The following SLC24A2 variants were observed in gnomAD, a reference collection of about 807,000 sequenced individuals.
SLC24A2 encodes sodium/potassium/calcium exchanger 2.
SLC24A2 carries 36 observed loss-of-function variants against 62.0 expected under a neutral mutation model. That is an observed-to-expected ratio of 0.58 (90% confidence interval 0.44 to 0.77). The LOEUF (loss-of-function observed/expected upper bound fraction) is 0.77, where lower values mean the gene tolerates loss of function less well. Among genes scored for constraint, SLC24A2 ranks in the 30% least tolerant of loss-of-function variants. The pLI, the probability that SLC24A2 is intolerant of heterozygous loss-of-function variation, is 0.00. For synonymous variants in SLC24A2, 358 were observed against 294.0 expected, an observed-to-expected ratio of 1.22 and a Z score of -2.23; for missense variants, 846 against 817.9, an observed-to-expected ratio of 1.03 and a Z score of -0.42.
At chr9:20,130,630 C>T in the SLC24A2 span, among the ~76,000 whole-genome samples, 1 of 152,044 alleles carries the variant, frequency 6.6e-6, no homozygotes, top group Non-Finnish European at 1.5e-5. Context: ...GAATCAGAGC[C>T]TGTAAGGCCT....
chr9:19,935,032 AT>A, the SLC24A2 span, among the ~76,000 whole-genome samples: 3 of 149,680 alleles, frequency 2.0e-5, no homozygotes, highest in African/African-American at 7.5e-5. Context: ...ACTTATTTTT[AT>A]TTTATTTATT....
chr9:19,548,067 G>T (rs1224359873), intron 8 of SLC24A2, among the ~76,000 whole-genome samples: 2 of 151,564 alleles, frequency 1.3e-5, no homozygotes, highest in African/African-American at 4.9e-5. Flanking sequence ...TATACTGCTG[G>T]GAGTCCATAC....
At chr9:20,287,504 G>A in the SLC24A2 span, among the ~76,000 whole-genome samples, 1 of 152,244 alleles carries the variant, frequency 6.6e-6, no homozygotes, top group African/African-American at 2.4e-5. Context: ...AGAACAAAAG[G>A]GTTGGTAGCC....
At chr9:20,019,540 T>C in the SLC24A2 span, among the ~76,000 whole-genome samples, 1 of 152,174 alleles carries the variant, frequency 6.6e-6, no homozygotes, top group Non-Finnish European at 1.5e-5. Flanking sequence ...TTGGACTATA[T>C]ATCTGTTTTG....
At chr9:19,897,796 G>C in the SLC24A2 span, among the ~76,000 whole-genome samples, 1 of 152,126 alleles carries the variant, frequency 6.6e-6, no homozygotes, top group East Asian at 1.9e-4. Flanking sequence ...AGCTACAAGG[G>C]ACAAAAGGGC....
At chr9:20,217,303 C>T in the SLC24A2 span, among the ~76,000 whole-genome samples, 1 of 152,236 alleles carries the variant, frequency 6.6e-6, no homozygotes, top group South Asian at 2.1e-4. Flanking sequence ...TAGCAGTTAC[C>T]TTTGCAGGGG....
chr9:20,068,252 C>T, the SLC24A2 span, among the ~76,000 whole-genome samples: 9 of 151,840 alleles, frequency 5.9e-5, no homozygotes, highest in African/African-American at 1.9e-4. Flanking sequence ...TTAGTAGAGA[C>T]GGGGTTTCAC....
the SLC24A2 span, among the ~76,000 whole-genome samples, chr9:20,266,287 G>A: frequency 0.012 from 1,887 of 152,052 alleles, 37 homozygotes; most frequent in African/African-American, 0.043. Flanking sequence ...TGTCTCCCCC[G>A]GACACCCAGC....
the SLC24A2 span, among the ~76,000 whole-genome samples, chr9:20,233,694 T>G: frequency 1.3e-5 from 2 of 152,240 alleles, no homozygotes; most frequent in Non-Finnish European, 2.9e-5. Context: ...TGCCAGTCTG[T>G]GTCTTTTAAT....
chr9:19,716,813 CTTTCT>C (rs1820874381), intron 2 of SLC24A2, among the ~76,000 whole-genome samples: 3 of 152,176 alleles, frequency 2.0e-5, no homozygotes, highest in African/African-American at 7.2e-5. Context: ...GCTTTTTTAT[CTTTCT>C]TTTGTCTTGG....
At chr9:19,987,353 A>G in the SLC24A2 span, among the ~76,000 whole-genome samples, 1 of 152,210 alleles carries the variant, frequency 6.6e-6, no homozygotes, top group Non-Finnish European at 1.5e-5. Context: ...AAATATTGAT[A>G]AAACAAGAAG....
At chr9:20,173,579 T>C in the SLC24A2 span, among the ~76,000 whole-genome samples, 2 of 151,802 alleles carry the variant, frequency 1.3e-5, no homozygotes, top group Non-Finnish European at 2.9e-5. Flanking sequence ...ACCCCTTTTA[T>C]AGTAGCTGCA....
chr9:20,126,545 T>A, the SLC24A2 span, among the ~76,000 whole-genome samples: 1 of 152,196 alleles, frequency 6.6e-6, no homozygotes, highest in Non-Finnish European at 1.5e-5. Context: ...CATTAAATTT[T>A]AAAAATACAT....
the SLC24A2 span, among the ~76,000 whole-genome samples, chr9:20,162,052 A>T: frequency 1.3e-5 from 2 of 151,756 alleles, no homozygotes; most frequent in Non-Finnish European, 2.9e-5. Context: ...GATAAAACTT[A>T]AATAATTCAG....
the SLC24A2 span, among the ~76,000 whole-genome samples, chr9:20,004,720 C>T: frequency 6.6e-6 from 1 of 151,954 alleles, no homozygotes; most frequent in Non-Finnish European, 1.5e-5. Context: ...TATATCTTGT[C>T]TCATTAAATT....
chr9:19,978,661 C>T, the SLC24A2 span, among the ~76,000 whole-genome samples: 59 of 151,836 alleles, frequency 3.9e-4, no homozygotes, highest in South Asian at 9.4e-3. Context: ...TTTACACAAA[C>T]AAAAACTGAA....
the SLC24A2 span, among the ~76,000 whole-genome samples, chr9:20,176,827 A>G: frequency 7.9e-5 from 12 of 152,156 alleles, no homozygotes; most frequent in Non-Finnish European, 1.5e-4. Context: ...TCTGCAAATA[A>G]GCCTATTAAA....
chr9:19,718,130 C>T (rs903951775), intron 2 of SLC24A2, among the ~76,000 whole-genome samples: 2 of 151,610 alleles, frequency 1.3e-5, no homozygotes, highest in African/African-American at 4.8e-5. Context: ...GCACATGCTG[C>T]CACACCCGGC....
At chr9:19,618,551 G>T (rs898604670) in intron 4 of SLC24A2, among the ~76,000 whole-genome samples, 1 of 152,210 alleles carries the variant, frequency 6.6e-6, no homozygotes, top group African/African-American at 2.4e-5. Context: ...CATGTCCAAT[G>T]AAGGAAGATA....
Sources: allele counts gnomAD v4.1 joint callset (sites outside exome capture counted in the v4.1 genomes callset), GRCh38; gene constraint gnomAD v4.1.1; transcripts MANE v1.5; gene names NCBI Gene and HGNC (gene_info 2026-07-23, HGNC 2026-07-21).